The following SLC9C1 variants were observed in gnomAD, a reference collection of about 807,000 sequenced individuals.
SLC9C1 encodes the protein solute carrier family 9 member C1.
SLC9C1 carries 97 observed loss-of-function variants against 140.9 expected under a neutral mutation model. That is an observed-to-expected ratio of 0.69 (90% confidence interval 0.58 to 0.82). The LOEUF (loss-of-function observed/expected upper bound fraction) is 0.82, where lower values mean the gene tolerates loss of function less well. Among genes scored for constraint, SLC9C1 ranks in the 40% least tolerant of loss-of-function variants. The pLI is 0.00. For synonymous variants in SLC9C1, 440 were observed against 442.6 expected (o/e 0.99, Z 0.07); for missense variants, 1,340 against 1,389.3 (o/e 0.96, Z 0.56).
At chr3:112,195,279 C>G (rs1176696175) in intron 20 of SLC9C1, among the ~76,000 whole-genome samples, 2 of 152,022 alleles carry the variant, frequency 1.3e-5, no homozygotes, top group African/African-American at 4.8e-5. Context: ...GGTCATGGGT[C>G]TATTTTGAGG....
In SLC9C1 at chr3:112,155,010, C is replaced by T. The variant is rs2075088600; in HGVS notation, c.3404G>A (p.Arg1135Lys). Reference sequence around the variant, plus strand: ...CTTTAAATTTACCTCCTTAACATTTCTTTCTTCTTGAATGCCTTCTTCCAA... The same window carrying T: ...CTTTAAATTTACCTCCTTAACATTTTTTTCTTCTTGAATGCCTTCTTCCAA... ...GTLEEGIQEE[R>K]NVKEDGAHSA... Residue 1135 changes from arginine to lysine, a missense_variant, in exon 27 of 29, where the codon AGA (arginine) becomes AAA (lysine). Physicochemically the swap from Arg to Lys is conservative, Grantham distance 26. Transcript: ENST00000305815. The T allele has an allele frequency of 6.2e-7, 1 of 1,607,620 alleles. No individual in the cohort carries two copies. Among genetic ancestry groups the T allele is most frequent in the Non-Finnish European group, 8.5e-7 (1 of 1,177,104 alleles).
intron 12 of SLC9C1, among the ~76,000 whole-genome samples, chr3:112,231,926 T>G (rs2078840829): frequency 6.6e-6 from 1 of 152,038 alleles, no homozygotes; most frequent in African/African-American, 2.4e-5. Flanking sequence ...ATTTGAAAAT[T>G]TTGCTGCAGC....
At chr3:112,248,499 C>T (rs918329798) in intron 10 of SLC9C1, among the ~76,000 whole-genome samples, 1 of 151,936 alleles carries the variant, frequency 6.6e-6, no homozygotes, top group African/African-American at 2.4e-5. Flanking sequence ...GTTTTTGATG[C>T]CATTATTATG....
chr3:112,282,407 C>T (rs1165916525), intron 2 of SLC9C1, among the ~76,000 whole-genome samples: 1 of 152,192 alleles, frequency 6.6e-6, no homozygotes, highest in Non-Finnish European at 1.5e-5. Flanking sequence ...AGAATGGCAA[C>T]ATCTGCTTAT....
chr3:112,230,750 A>T (rs1438322204), intron 13 of SLC9C1, among the ~76,000 whole-genome samples: 2 of 152,192 alleles, frequency 1.3e-5, no homozygotes, highest in Admixed American at 1.3e-4. Context: ...CTAAGAGGAC[A>T]ATTCATGGCA....
intron 10 of SLC9C1, among the ~76,000 whole-genome samples, chr3:112,258,746 C>T (rs1174909793): frequency 6.6e-6 from 1 of 152,084 alleles, no homozygotes; most frequent in Non-Finnish European, 1.5e-5. Context: ...AGGCATGAGC[C>T]ACCATACCCA....
At chr3:112,193,917 G>C (rs79663802) in intron 20 of SLC9C1, among the ~76,000 whole-genome samples, 15,726 of 152,062 alleles carry the variant, frequency 0.1, 869 homozygotes, top group East Asian at 0.2. Context: ...CTAGGCCCCA[G>C]TTTCACACAA....
intron 20 of SLC9C1, 118 bp from the exon 21 acceptor site, chr3:112,182,376 T>C (rs1470144582): frequency 4.4e-6 from 5 of 1,128,642 alleles, no homozygotes; most frequent in African/African-American, 1.6e-5. Flanking sequence ...TCTTCTTCCA[T>C]GAACATTTTC....
Position 112,217,469 on chromosome 3 carries a change from GTAT to G in SLC9C1, c.1760_1762del (p.Asn587del), listed in dbSNP as rs944790368. 3 of 1,601,058 alleles carry G rather than the reference GTAT, an allele frequency of 1.9e-6. No individual in the cohort carries two copies. The African/African-American group carries it at 4.1e-5, about 22-fold the overall frequency. On this transcript the variant is annotated inframe_deletion, in exon 15 of 29. Coordinates refer to ENST00000305815, the MANE Select transcript of SLC9C1 (RefSeq NM_183061.3). Reference sequence around the variant, plus strand: ...TGATGGGCCCTCTTTTTCCTTTCTGGTATTATACACCCAATTAAGTAGTAGTTT... The same window carrying G: ...TGATGGGCCCTCTTTTTCCTTTCTGGTATACACCCAATTAAGTAGTAGTTT...
chr3:112,150,597 A>C (rs754225089), intron 28 of SLC9C1, among the ~76,000 whole-genome samples: 1 of 151,940 alleles, frequency 6.6e-6, no homozygotes, highest in African/African-American at 2.4e-5. Flanking sequence ...TGCTACTTCA[A>C]AGTGGCTGAG....
Position 112,182,260 on chromosome 3 carries a change from T to C in SLC9C1, c.2524-2A>G. ...CTCTTTCTTTTTGGCCATGATTAAC[T>C]AAAACATAAAATTTAAGAAAAGGGA... On this transcript the variant is annotated splice_acceptor_variant, in intron 20 of 28. Transcript: ENST00000305815. LOFTEE classifies it high-confidence loss of function. 6.3e-7 allele frequency: 1 copy of C among 1,596,214 alleles called. No homozygotes were observed. The highest frequency in any genetic ancestry group is 8.5e-7 in the Non-Finnish European group (1 of 1,173,352).
chr3:112,257,516 G>T (rs1465711602), intron 10 of SLC9C1, among the ~76,000 whole-genome samples: 2 of 152,054 alleles, frequency 1.3e-5, no homozygotes, highest in African/African-American at 4.8e-5. Context: ...GTAGAAACTG[G>T]ACCCCTTCGT....
intron 1 of SLC9C1, among the ~76,000 whole-genome samples, chr3:112,288,907 T>C (rs967880831): frequency 3.3e-5 from 5 of 152,108 alleles, no homozygotes; most frequent in African/African-American, 1.2e-4. Flanking sequence ...TCTGTGTAAT[T>C]TCTCTCCCTT....
intron 10 of SLC9C1, among the ~76,000 whole-genome samples, chr3:112,249,543 T>G (rs552118977): frequency 6.6e-6 from 1 of 152,112 alleles, no homozygotes; most frequent in African/African-American, 2.4e-5. Flanking sequence ...ACCAGCTCTT[T>G]AAAGTACAAT....
intron 13 of SLC9C1, among the ~76,000 whole-genome samples, chr3:112,223,948 G>A (rs1204693528): frequency 6.6e-6 from 1 of 152,186 alleles, no homozygotes; most frequent in Admixed American, 6.5e-5. Context: ...AATGTCAAGT[G>A]AGCTGAGCTG....
Position 112,146,488 on chromosome 3 carries a change from C to T in SLC9C1, c.3525-5207G>A, listed in dbSNP as rs148006101. Among the ~76,000 whole-genome samples the T allele has an allele frequency of 1.6e-3, 249 of 152,198 alleles. 1 individual carries two copies. Among genetic ancestry groups the T allele is most frequent in the African/African-American group, 5.7e-3 (237 of 41,510 alleles). ...ATGCTTAACACTGGTTTTGCTGTAT[C>T]CCAGAGACTTTGGTATGTTGTGTCT... On this transcript the variant is annotated intron_variant, in intron 28 of 28. Transcript: ENST00000305815.
chr3:112,208,153 C>G (rs1427282276), intron 16 of SLC9C1, 25 bp downstream of exon 16: 1 of 1,544,752 alleles, frequency 6.5e-7, no homozygotes, highest in Non-Finnish European at 8.8e-7. Context: ...ATAACACTTC[C>G]ATACACACAT....
intron 14 of SLC9C1, among the ~76,000 whole-genome samples, chr3:112,220,447 A>G (rs1297211656): frequency 3.3e-5 from 5 of 151,960 alleles, no homozygotes; most frequent in African/African-American, 1.2e-4. Flanking sequence ...GCCCAAATAG[A>G]CTCTGGAAAT....
intron 10 of SLC9C1, among the ~76,000 whole-genome samples, chr3:112,246,792 GC>G (rs1418137062): frequency 2.6e-5 from 4 of 152,180 alleles, no homozygotes; most frequent in African/African-American, 9.7e-5. Flanking sequence ...CATTAATGGT[GC>G]CATAGCCCTT....
Sources: allele counts gnomAD v4.1 joint callset (sites outside exome capture counted in the v4.1 genomes callset), GRCh38; gene constraint gnomAD v4.1.1; transcripts MANE v1.5; gene names NCBI Gene and HGNC (gene_info 2026-07-23, HGNC 2026-07-21).